Variants in FAAH observed in about 807,000 individuals in gnomAD.
The protein encoded by FAAH is fatty acid amide hydrolase, also known as fatty-acid amide hydrolase 1.
Under a neutral mutation model 69.7 loss-of-function variants are expected in FAAH, and 63 were observed. That is an observed-to-expected ratio of 0.90 (90% CI 0.74 to 1.12). FAAH has a LOEUF of 1.12. Among genes scored for constraint, FAAH ranks in the 50% most tolerant of loss-of-function variants. The pLI is 0.00. For missense variants in FAAH, 680 were observed against 755.0 expected (o/e 0.90, Z 1.16); for synonymous variants, 305 against 324.2 (o/e 0.94, Z 0.64).
chr1:46,400,556 G>A (rs1435351484), intron 1 of FAAH, among the ~76,000 whole-genome samples: 2 of 151,612 alleles, frequency 1.3e-5, no homozygotes, highest in African/African-American at 2.4e-5. Context: ...AAAGACACCT[G>A]TTTCATTTCC....
chr1:46,410,373 C>A lies in FAAH; in HGVS notation c.1176-25C>A. 2 of 1,600,642 alleles carry A rather than the reference C, an allele frequency of 1.2e-6. No homozygotes were observed. The highest frequency in any genetic ancestry group is 1.7e-6 in the Non-Finnish European group (2 of 1,167,736). On this transcript the variant is annotated intron_variant, in intron 9 of 14. Coordinates refer to ENST00000243167, the MANE Select transcript of FAAH (RefSeq NM_001441.3). The surrounding 1 kb of genome is among the most constrained non-coding windows in gnomAD (Gnocchi z 4.9). ...GGGAAGGATGTGGGGATGGGAGTGC[C>A]TGGACCGAGCATTTTGTTTCCCAGC...
Position 46,410,110 on chromosome 1 carries a change from G to A in FAAH, c.1176-288G>A. 2.6e-6 allele frequency: 1 copy of A among 381,272 alleles called. No individual in the cohort carries two copies. Among genetic ancestry groups the A allele is most frequent in the Non-Finnish European group, 4.9e-6 (1 of 204,898 alleles). 23.6% of individuals were successfully genotyped at this position (381,272 alleles called of 1,614,324 possible). On this transcript the variant is annotated intron_variant, in intron 9 of 14. Transcript: ENST00000243167. This position sits in a 1 kb window ranked among gnomAD's most constrained non-coding sequence, Gnocchi z 4.9. ...CCTAAGGGGAGGTACCCTCAGGGAG[G>A]CCTCATCAGGGAGATGTTGCCCTCA...
intron 13 of FAAH, among the ~76,000 whole-genome samples, chr1:46,412,518 A>C (rs571755139): frequency 6.6e-6 from 1 of 152,322 alleles, no homozygotes; most frequent in African/African-American, 2.4e-5. Context: ...TAGATAAATC[A>C]AGAAAATAGG....
Position 46,405,570 on chromosome 1 carries a change from C to T in FAAH, c.579-18C>T. The T allele has an allele frequency of 3.1e-6, 5 of 1,613,320 alleles. No homozygotes were observed. The highest frequency in any genetic ancestry group is 4.2e-6 in the Non-Finnish European group (5 of 1,180,034). Reference sequence around the variant, plus strand: ...GGTCCCAGCATGGCACGGGCTGACCCATTCTTGGCTCCTCCAGCTATGACT... The same window carrying T: ...GGTCCCAGCATGGCACGGGCTGACCTATTCTTGGCTCCTCCAGCTATGACT... On this transcript the variant is annotated intron_variant, in intron 4 of 14. Transcript: ENST00000243167. The surrounding 1 kb of genome is among the most constrained non-coding windows in gnomAD (Gnocchi z 4.1).
At chr1:46,402,048 G>T (rs1280735109) in intron 1 of FAAH, 43 bp from the exon 2 acceptor site, 1 of 1,522,936 alleles carries the variant, frequency 6.6e-7, no homozygotes, top group South Asian at 1.2e-5. Context: ...AGGCCCATGA[G>T]ACTTCGGCGA....
rs1454923139 is a variant in FAAH, at chr1:46,412,204, C to T, written c.1418C>T (p.Pro473Leu). The T allele has an allele frequency of 6.4e-7, 1 of 1,561,734 alleles. No individual in the cohort carries two copies. The highest frequency in any genetic ancestry group is 2.4e-5 in the East Asian group (1 of 41,624). Residue 473 changes from proline to leucine, a missense_variant, in exon 13 of 15, where the codon CCC (proline) becomes CTC (leucine). Physicochemically the swap from Pro to Leu is moderately conservative, Grantham distance 98 (BLOSUM62 -3). Transcript: ENST00000243167. Reference sequence around the variant, plus strand: ...CTGGACCTGGATGTGGTGCTGACCCCCATGCTGGCCCCTGCTCTGGACTTG... The same window carrying T: ...CTGGACCTGGATGTGGTGCTGACCCTCATGCTGGCCCCTGCTCTGGACTTG... ...RALDLDVVLT[P>L]MLAPALDLNA...
At chr1:46,413,036 T>C (rs1294675190) in intron 13 of FAAH, 39 bp from the exon 14 acceptor site, 1 of 1,613,166 alleles carries the variant, frequency 6.2e-7, no homozygotes, top group Non-Finnish European at 8.5e-7. Flanking sequence ...GCACTGAAGA[T>C]TCTCAGGGCC....
At chr1:46,409,324 G>C in intron 9 of FAAH, 126 bp downstream of exon 9, 1 of 774,852 alleles carries the variant, frequency 1.3e-6, no homozygotes, top group Non-Finnish European at 2.3e-6. Flanking sequence ...AGCACTCTGG[G>C]CAGGGACCTC....
In FAAH at chr1:46,413,733, G is replaced by C; in HGVS notation, c.*158G>C. On this transcript the variant is annotated 3_prime_UTR_variant, in exon 15 of 15. Transcript: ENST00000243167. The stretch of plus-strand genomic sequence containing the variant: ...CCTGCAAGAAGCGCCGACTCCCTGA[G>C]TCTGGACCTCCATCCCTGCTCTGGT... 1 of 1,017,114 alleles carries C rather than the reference G, an allele frequency of 9.8e-7. No homozygotes were observed. Among genetic ancestry groups the C allele is most frequent in the Non-Finnish European group, 1.5e-6 (1 of 680,906 alleles). The allele number at this position is 1,017,114 out of a possible 1,614,324, so 63.0% of individuals were successfully genotyped here. A position where few individuals can be genotyped will look rare whatever the true frequency, so the allele number is the denominator to read the frequency against.
rs199670625 is a variant in FAAH, at chr1:46,410,895, C to G, written c.1316+41C>G. ...TGTCTAGCTGCCGGCCCCTGCCTGT[C>G]CTGATCCGAGTCTGGGTCTGGGTAG... is the stretch of plus-strand genomic sequence containing the variant. On this transcript the variant is annotated intron_variant, in intron 11 of 14. Coordinates refer to ENST00000243167, the MANE Select transcript of FAAH (RefSeq NM_001441.3). The surrounding 1 kb of genome is among the most constrained non-coding windows in gnomAD (Gnocchi z 4.9). The G allele has an allele frequency of 5.0e-6, 8 of 1,612,888 alleles. No homozygotes were observed. The South Asian group carries it at 6.6e-5, about 13-fold the overall frequency.
chr1:46,407,804 G>T (rs939752524), intron 7 of FAAH, among the ~76,000 whole-genome samples: 5 of 152,318 alleles, frequency 3.3e-5, no homozygotes, highest in Middle Eastern at 3.4e-3. Context: ...GCTGTGTGAC[G>T]TAAGCCCCGT....
chr1:46,411,743 C>A lies in FAAH; in HGVS notation c.1356+92C>A. On this transcript the variant is annotated intron_variant, in intron 12 of 14. Coordinates refer to ENST00000243167, the MANE Select transcript of FAAH (RefSeq NM_001441.3). This position sits in a 1 kb window ranked among gnomAD's most constrained non-coding sequence, Gnocchi z 4.8. ...CTAGCAGTGTCTCGTGGCCACTGCC[C>A]CCATGGGGCTCCTAGACTGGCCTGT... 1.4e-6 allele frequency: 2 copies of A among 1,414,370 alleles called. No homozygotes were observed. The highest frequency in any genetic ancestry group is 2.4e-5 in the East Asian group (1 of 41,548). 87.6% of individuals were successfully genotyped at this position (1,414,370 alleles called of 1,614,324 possible). A position where few individuals can be genotyped will look rare whatever the true frequency, so the allele number is the denominator to read the frequency against.
At chr1:46,394,943 TTTTTGTTTTG>T (rs1664571316) in intron 1 of FAAH, among the ~76,000 whole-genome samples, 1 of 152,142 alleles carries the variant, frequency 6.6e-6, no homozygotes, top group African/African-American at 2.4e-5. Flanking sequence ...TTTTTGTTTT[TTTTTGTTTTG>T]TTTTGAGACG....
At chr1:46,407,527 C>T (rs975953083) in intron 7 of FAAH, among the ~76,000 whole-genome samples, 4 of 152,202 alleles carry the variant, frequency 2.6e-5, no homozygotes, top group African/African-American at 7.2e-5. Context: ...AGCTCATCCC[C>T]TACTGCGGGG....
chr1:46,410,101 C>CTCA lies in FAAH; in HGVS notation c.1176-296_1176-294dup. On this transcript the variant is annotated intron_variant, in intron 9 of 14. Coordinates refer to ENST00000243167, the MANE Select transcript of FAAH (RefSeq NM_001441.3). This position sits in a 1 kb window ranked among gnomAD's most constrained non-coding sequence, Gnocchi z 4.9. Reference sequence around the variant, plus strand: ...CTGTACCTCCCTAAGGGGAGGTACCCTCAGGGAGGCCTCATCAGGGAGATG... The same window carrying CTCA: ...CTGTACCTCCCTAAGGGGAGGTACCCTCATCAGGGAGGCCTCATCAGGGAGATG... 2.8e-6 allele frequency: 1 copy of CTCA among 359,606 alleles called. No individual in the cohort carries two copies. The highest frequency in any genetic ancestry group is 3.1e-5 in the South Asian group (1 of 32,346). 22.3% of individuals were successfully genotyped at this position (359,606 alleles called of 1,614,324 possible).
chr1:46,397,890 G>C (rs1043500232), intron 1 of FAAH, among the ~76,000 whole-genome samples: 7 of 149,892 alleles, frequency 4.7e-5, no homozygotes, highest in Admixed American at 4.0e-4. Context: ...TGTAGTTTTA[G>C]TATAAACGGT....
chr1:46,398,605 C>A (rs1190433277), intron 1 of FAAH, among the ~76,000 whole-genome samples: 1 of 150,966 alleles, frequency 6.6e-6, no homozygotes, highest in Non-Finnish European at 1.5e-5. Context: ...TCAATCTTGG[C>A]TCACTGCAAC....
rs1664903193 is a variant in FAAH, at chr1:46,410,993, G to A, written c.1316+139G>A. On this transcript the variant is annotated intron_variant, in intron 11 of 14. Transcript: ENST00000243167. The surrounding 1 kb of genome is among the most constrained non-coding windows in gnomAD (Gnocchi z 4.9). ...TGGCCCAGGCAGGGGGGCAACCTTT[G>A]TGGCCTTCAGATGGGACTTTGAAGT... The A allele has an allele frequency of 1.0e-6, 1 of 992,340 alleles. No homozygotes were observed. The highest frequency in any genetic ancestry group is 1.3e-5 in the South Asian group (1 of 74,600). The allele number at this position is 992,340 out of a possible 1,614,324, so 61.5% of individuals were successfully genotyped here. A position where few individuals can be genotyped will look rare whatever the true frequency, so the allele number is the denominator to read the frequency against.
chr1:46,405,302 T>C lies in FAAH; in HGVS notation c.445-70T>C. 2 of 1,606,002 alleles carry C rather than the reference T, an allele frequency of 1.2e-6. No individual in the cohort carries two copies. Among genetic ancestry groups the C allele is most frequent in the East Asian group, 2.2e-5 (1 of 44,860 alleles). On this transcript the variant is annotated intron_variant, in intron 3 of 14. Coordinates refer to ENST00000243167, the MANE Select transcript of FAAH (RefSeq NM_001441.3). This position sits in a 1 kb window ranked among gnomAD's most constrained non-coding sequence, Gnocchi z 4.1. ...TACCTGTTTTGGCCTGTGTGACAGT[T>C]GTTGGAGTGGACCCTTGGCTGCCCA...
Sources: allele counts gnomAD v4.1 joint callset (sites outside exome capture counted in the v4.1 genomes callset), GRCh38; gene constraint gnomAD v4.1.1; non-coding constraint Gnocchi (gnomAD v3.1); transcripts MANE v1.5; gene names NCBI Gene and HGNC (gene_info 2026-07-23, HGNC 2026-07-21).